CCBE1: variants seen among roughly 807,000 people sequenced by gnomAD.
CCBE1 encodes the protein collagen and calcium-binding EGF domain-containing protein 1.
A neutral mutation model predicts 50.0 loss-of-function variants in CCBE1; 37 were observed. The ratio of observed to expected loss-of-function variants is 0.74; its 90% confidence interval spans 0.57 to 0.97. The LOEUF is 0.97. CCBE1 is among the 50% of genes least tolerant of loss of function. CCBE1 has a pLI of 0.00. For missense variants in CCBE1, 538 were observed against 523.8 expected, an observed-to-expected ratio of 1.03 and a Z score of -0.26; for synonymous variants, 234 against 203.7, an observed-to-expected ratio of 1.15 and a Z score of -1.27.
intron 2 of CCBE1, chr18:59,688,279 T>C (rs2054683991): frequency 6.6e-6 from 1 of 152,100 alleles, no homozygotes; most frequent in Non-Finnish European, 1.5e-5. Flanking sequence ...CAAGAATCCA[T>C]CTCTACAAAA....
At chr18:59,685,352 T>C (rs559684201) in intron 2 of CCBE1, among the ~76,000 whole-genome samples, 1 of 151,982 alleles carries the variant, frequency 6.6e-6, no homozygotes, top group Non-Finnish European at 1.5e-5. Context: ...CCACACAGAA[T>C]GGAAAGGGTC....
intron 7 of CCBE1, among the ~76,000 whole-genome samples, chr18:59,445,594 A>C (rs1033285313): frequency 6.6e-6 from 1 of 152,204 alleles, no homozygotes; most frequent in African/African-American, 2.4e-5. Context: ...AGTCTTTTTT[A>C]GTTCACAGAA....
chr18:59,650,657 T>G (rs1218356803), intron 2 of CCBE1, among the ~76,000 whole-genome samples: 3 of 151,208 alleles, frequency 2.0e-5, no homozygotes, highest in African/African-American at 7.3e-5. Context: ...GAACCGCACT[T>G]CTCCCTCTAA....
chr18:59,501,267 C>T (rs112256686), intron 2 of CCBE1, among the ~76,000 whole-genome samples: 1 of 152,184 alleles, frequency 6.6e-6, no homozygotes, highest in Admixed American at 6.5e-5. Flanking sequence ...GGGGCTGCTT[C>T]GTCCTCCATA....
At chr18:59,634,195 G>A (rs2053888390) in intron 2 of CCBE1, among the ~76,000 whole-genome samples, 1 of 152,180 alleles carries the variant, frequency 6.6e-6, no homozygotes, top group Admixed American at 6.5e-5. Context: ...TACTCTTAAT[G>A]AAACAATGGC....
chr18:59,641,282 AAAG>A (rs1306927154), intron 2 of CCBE1, among the ~76,000 whole-genome samples: 2 of 151,886 alleles, frequency 1.3e-5, no homozygotes, highest in African/African-American at 4.9e-5. Flanking sequence ...TAGCTATAAA[AAAG>A]AAGATCATGT....
chr18:59,502,923 G>A (rs547168562), intron 2 of CCBE1, among the ~76,000 whole-genome samples: 3 of 152,166 alleles, frequency 2.0e-5, no homozygotes, highest in East Asian at 1.9e-4. Flanking sequence ...GATCACTAAC[G>A]CATAATAAAT....
At chr18:59,581,221 T>A (rs1035406739) in intron 2 of CCBE1, among the ~76,000 whole-genome samples, 19 of 152,042 alleles carry the variant, frequency 1.2e-4, no homozygotes, top group African/African-American at 4.6e-4. Flanking sequence ...GGTAGGCGGA[T>A]CACGAGGTCA....
intron 2 of CCBE1, among the ~76,000 whole-genome samples, chr18:59,567,756 C>T (rs2052851458): frequency 6.6e-6 from 1 of 152,144 alleles, no homozygotes; most frequent in Admixed American, 6.5e-5. Context: ...TTGCTCACTA[C>T]CACCACCACA....
intron 2 of CCBE1, among the ~76,000 whole-genome samples, chr18:59,693,099 T>C (rs190113274): frequency 6.6e-6 from 1 of 152,128 alleles, no homozygotes; most frequent in African/African-American, 2.4e-5. Context: ...AGCTCTACAA[T>C]GTGGCCAAGG....
chr18:59,666,880 G>A (rs997663951), intron 2 of CCBE1, among the ~76,000 whole-genome samples: 16 of 152,256 alleles, frequency 1.1e-4, no homozygotes, highest in Admixed American at 2.6e-4. Flanking sequence ...CAGGAAAATC[G>A]CTTGAACCTG....
At chr18:59,669,276 C>T (rs1229325360) in intron 2 of CCBE1, among the ~76,000 whole-genome samples, 2 of 152,174 alleles carry the variant, frequency 1.3e-5, no homozygotes, top group African/African-American at 4.8e-5. Flanking sequence ...CATTAAAAGA[C>T]TTGGACAATA....
chr18:59,569,657 G>T (rs767874138), intron 2 of CCBE1, among the ~76,000 whole-genome samples: 1 of 151,622 alleles, frequency 6.6e-6, no homozygotes, highest in Admixed American at 6.6e-5. Flanking sequence ...AAGAGACAGG[G>T]TCTTGCTCTG....
chr18:59,650,986 A>C (rs2054119787), intron 2 of CCBE1, among the ~76,000 whole-genome samples: 1 of 152,082 alleles, frequency 6.6e-6, no homozygotes, highest in Non-Finnish European at 1.5e-5. Flanking sequence ...AAACTCCATC[A>C]CTTAGGGGTC....
intron 2 of CCBE1, among the ~76,000 whole-genome samples, chr18:59,589,654 C>T (rs1352842260): frequency 1.3e-5 from 2 of 151,820 alleles, no homozygotes; most frequent in African/African-American, 2.4e-5. Context: ...ACAAAATTAG[C>T]CGGGTGTGGT....
intron 2 of CCBE1, among the ~76,000 whole-genome samples, chr18:59,581,638 C>T (rs1299612187): frequency 6.6e-6 from 1 of 152,092 alleles, no homozygotes; most frequent in Non-Finnish European, 1.5e-5. Flanking sequence ...TAAAAGGGGG[C>T]TTTCTGGTTT....
chr18:59,564,973 G>T (rs183675108), intron 2 of CCBE1, among the ~76,000 whole-genome samples: 132 of 152,336 alleles, frequency 8.7e-4, no homozygotes, highest in Non-Finnish European at 1.5e-3. Flanking sequence ...ATGATGGCTT[G>T]GAAAATCCAG....
intron 5 of CCBE1, among the ~76,000 whole-genome samples, chr18:59,462,183 T>G (rs1911514967): frequency 6.6e-6 from 1 of 152,110 alleles, no homozygotes; most frequent in South Asian, 2.1e-4. Flanking sequence ...GTATCCTACT[T>G]CCATTCATCA....
At chr18:59,648,406 G>A (rs2054083848) in intron 2 of CCBE1, among the ~76,000 whole-genome samples, 1 of 152,152 alleles carries the variant, frequency 6.6e-6, no homozygotes, top group Non-Finnish European at 1.5e-5. Context: ...TGATGAGTTT[G>A]TAAACACAGG....
Sources: gnomAD v4.1 joint callset for allele counts (sites outside exome capture counted in the v4.1 genomes callset) on GRCh38, gnomAD v4.1.1 for gene constraint, MANE v1.5 for transcripts, NCBI Gene and HGNC (gene_info 2026-07-23, HGNC 2026-07-21) for gene names.